The following ITLN1 variants were observed in gnomAD, a reference collection of about 807,000 sequenced individuals.
The protein encoded by ITLN1 is intelectin 1, also known as intelectin-1.
ITLN1 carries 29 observed loss-of-function variants against 36.2 expected under a neutral mutation model. That is an observed-to-expected ratio of 0.80 (90% CI 0.60 to 1.09). The LOEUF is 1.09. ITLN1 is among the 50% of genes least tolerant of loss of function. The probability of loss-of-function intolerance (pLI) is 0.00; values close to 1 mark genes in which losing one functional copy is unlikely to be tolerated. For missense variants in ITLN1, 358 were observed against 405.2 expected (o/e 0.88, Z 1.00); for synonymous variants, 143 against 146.5 (o/e 0.98, Z 0.17).
intron 2 of ITLN1, 111 bp from the exon 3 acceptor site, chr1:160,883,637 G>A (rs932211440): frequency 2.8e-6 from 2 of 714,838 alleles, no homozygotes; most frequent in Non-Finnish European, 4.9e-6. Context: ...CGCTGCCCGG[G>A]TGGTAAGGCC....
Sources: gnomAD v4.1 joint callset for allele counts on GRCh38, gnomAD v4.1.1 for gene constraint, MANE v1.5 for transcripts, NCBI Gene and HGNC (gene_info 2026-07-23, HGNC 2026-07-21) for gene names.